The following GDPD4 variants were observed in gnomAD, a reference collection of about 807,000 sequenced individuals.
The protein encoded by GDPD4 is glycerophosphodiester phosphodiesterase 6.
GDPD4 carries 60 observed loss-of-function variants against 67.8 expected under a neutral mutation model. That is an observed-to-expected ratio of 0.88 (90% CI 0.72 to 1.10). The LOEUF is 1.10. GDPD4 is among the 50% of genes least tolerant of loss of function. GDPD4 has a pLI of 0.00. For missense variants in GDPD4, 623 were observed against 613.9 expected, an observed-to-expected ratio of 1.01 and a Z score of -0.16; for synonymous variants, 212 against 210.9, an observed-to-expected ratio of 1.00 and a Z score of -0.04.
chr11:77,294,348 T>C (rs1481689463), intron 1 of GDPD4, among the ~76,000 whole-genome samples: 4 of 152,174 alleles, frequency 2.6e-5, no homozygotes, highest in Non-Finnish European at 4.4e-5. Context: ...AAACATTTAT[T>C]TAAAAATTAA....
At chr11:77,252,037 G>GTTTTTTTT (rs1265177583) in intron 11 of GDPD4, among the ~76,000 whole-genome samples, 16 of 138,968 alleles carry the variant, frequency 1.2e-4, no homozygotes, top group South Asian at 2.3e-4. Context: ...TGTCCATTTG[G>GTTTTTTTT]GTTTTTTTGT....
At position 77,218,661 on chromosome 11, in the gene GDPD4, T is replaced by C. The variant is rs190664883; in HGVS notation, c.1526-1347A>G. 1.5e-3 allele frequency among the ~76,000 whole-genome samples: 222 copies of C among 152,322 alleles called. 2 individuals carry two copies. The Middle Eastern group carries it at 0.02, about 14-fold the overall frequency. On this transcript the variant is annotated intron_variant, in intron 16 of 16. Coordinates refer to ENST00000315938, the MANE Select transcript of GDPD4 (RefSeq NM_182833.3). The stretch of plus-strand genomic sequence containing the variant: ...GGTGTTTGGTTTTCTGTCCTTGTGA[T>C]GGTTTGCTCAGAATGACGGTTTCCA...
intron 13 of GDPD4, among the ~76,000 whole-genome samples, chr11:77,237,165 C>T (rs984239217): frequency 6.6e-6 from 1 of 152,126 alleles, no homozygotes; most frequent in Non-Finnish European, 1.5e-5. Context: ...TGTGAGTTAA[C>T]CCTGCAGAAA....
chr11:77,262,973 A>G (rs1018011495), intron 10 of GDPD4, among the ~76,000 whole-genome samples: 3 of 152,086 alleles, frequency 2.0e-5, no homozygotes, highest in Non-Finnish European at 4.4e-5. Flanking sequence ...CTAGGAAATA[A>G]CAATTTTTAC....
At chr11:77,274,022 A>T (rs1418749163) in intron 5 of GDPD4, among the ~76,000 whole-genome samples, 1 of 152,248 alleles carries the variant, frequency 6.6e-6, no homozygotes, top group Non-Finnish European at 1.5e-5. Context: ...GCCAAGTAGC[A>T]GTACTTAACT....
intron 11 of GDPD4, among the ~76,000 whole-genome samples, chr11:77,248,051 C>CAAAAAAA (rs34252021): frequency 6.4e-5 from 4 of 62,634 alleles, no homozygotes; most frequent in East Asian, 5.4e-4. Flanking sequence ...AACTCCGTCT[C>CAAAAAAA]AAAAAAAAAA....
intron 16 of GDPD4, chr11:77,224,403 TTTACATTACA>T (rs111714586): frequency 2.6e-5 from 4 of 152,180 alleles, no homozygotes; most frequent in African/African-American, 9.7e-5. Context: ...ACTCCAATGA[TTTACATTACA>T]TTACATTACA....
chr11:77,233,661 C>A (rs1415441244), intron 13 of GDPD4, among the ~76,000 whole-genome samples: 1 of 152,116 alleles, frequency 6.6e-6, no homozygotes, highest in Non-Finnish European at 1.5e-5. Context: ...TCGCTTCTAT[C>A]AGAGCACTTA....
intron 16 of GDPD4, among the ~76,000 whole-genome samples, chr11:77,222,188 G>C (rs564486847): frequency 5.3e-4 from 81 of 152,282 alleles, no homozygotes; most frequent in African/African-American, 1.9e-3. Context: ...TTGCCAGTCT[G>C]TGTCTTTTAA....
At chr11:77,280,821 G>C (rs752138148) in intron 3 of GDPD4, among the ~76,000 whole-genome samples, 6 of 152,154 alleles carry the variant, frequency 3.9e-5, no homozygotes, top group Non-Finnish European at 8.8e-5. Flanking sequence ...CTTACTGTTG[G>C]TGATGGTAGT....
chr11:77,223,074 G>C (rs1358567465), intron 16 of GDPD4, among the ~76,000 whole-genome samples: 4 of 152,128 alleles, frequency 2.6e-5, no homozygotes, highest in African/African-American at 9.7e-5. Context: ...GCTCCATCAG[G>C]TCATTTAAGG....
chr11:77,258,681 C>A, intron 10 of GDPD4, 139 bp from the exon 11 acceptor site: 1 of 695,500 alleles, frequency 1.4e-6, no homozygotes, highest in Non-Finnish European at 2.5e-6. Flanking sequence ...TAGAAAAGGG[C>A]TACATATCAG....
chr11:77,217,325 GA>G lies in GDPD4; in HGVS notation c.1526-12del, dbSNP rs1400668364. 6.3e-7 allele frequency: 1 copy of G among 1,593,086 alleles called. No homozygotes were observed. Among genetic ancestry groups the G allele is most frequent in the South Asian group, 1.1e-5 (1 of 90,638 alleles). ...TTCCACTCTGAGTATCTGTGGGATG[GA>G]AAAGACACAGATTCCTCAAATGTCA... On this transcript the variant is annotated splice_polypyrimidine_tract_variant and intron_variant, in intron 16 of 16. Transcript: ENST00000315938.
intron 4 of GDPD4, among the ~76,000 whole-genome samples, chr11:77,278,300 G>A (rs867523816): frequency 3.9e-5 from 6 of 152,044 alleles, no homozygotes; most frequent in East Asian, 1.9e-4. Flanking sequence ...AGAACTGACC[G>A]TTCCCTCTCA....
At chr11:77,219,639 T>TAGGA (rs1386841635) in intron 16 of GDPD4, among the ~76,000 whole-genome samples, 1 of 152,256 alleles carries the variant, frequency 6.6e-6, no homozygotes, top group Non-Finnish European at 1.5e-5. Flanking sequence ...TAGGGAATCC[T>TAGGA]TTCCCCATTT....
At chr11:77,289,473 G>C (rs1027048926) in intron 1 of GDPD4, among the ~76,000 whole-genome samples, 23 of 149,464 alleles carry the variant, frequency 1.5e-4, no homozygotes, top group Admixed American at 9.4e-4. Flanking sequence ...TGTAATCCCA[G>C]CACTCTGGGA....
intron 11 of GDPD4, among the ~76,000 whole-genome samples, chr11:77,256,043 C>T (rs1241742883): frequency 6.6e-6 from 1 of 152,070 alleles, no homozygotes; most frequent in East Asian, 1.9e-4. Context: ...TGTCTTTCAG[C>T]AATAAGGACC....
intron 10 of GDPD4, among the ~76,000 whole-genome samples, chr11:77,263,869 A>T (rs1320715642): frequency 6.6e-6 from 1 of 152,150 alleles, no homozygotes; most frequent in Non-Finnish European, 1.5e-5. Context: ...TCCCTTAAAA[A>T]GTTAGGCGGA....
chr11:77,267,451 T>G (rs1191776067), intron 10 of GDPD4, among the ~76,000 whole-genome samples: 1 of 152,246 alleles, frequency 6.6e-6, no homozygotes, highest in African/African-American at 2.4e-5. Flanking sequence ...AGTGACTCAA[T>G]TTGTCTGCCA....
Sources: allele counts gnomAD v4.1 joint callset (sites outside exome capture counted in the v4.1 genomes callset), GRCh38; gene constraint gnomAD v4.1.1; transcripts MANE v1.5; gene names NCBI Gene and HGNC (gene_info 2026-07-23, HGNC 2026-07-21).